GOLGA8N: variants seen among roughly 807,000 people sequenced by gnomAD.
GOLGA8N encodes golgin subfamily A member 8N.
Under a neutral mutation model 22.0 loss-of-function variants are expected in GOLGA8N, and 2 were observed. That is an observed-to-expected ratio of 0.09 (90% CI 0.04 to 0.29). The LOEUF (loss-of-function observed/expected upper bound fraction) is 0.29. GOLGA8N is among the 10% of genes least tolerant of loss of function. The pLI is 1.00. For synonymous variants in GOLGA8N, 2 were observed against 58.7 expected, an observed-to-expected ratio of 0.03 and a Z score of 4.41; for missense variants, 10 against 164.7, an observed-to-expected ratio of 0.06 and a Z score of 5.14.
chr15:32,606,848 T>TAAAG (rs1282338865), exon 19 of GOLGA8N: 91 of 150,906 alleles, frequency 6.0e-4, no homozygotes, highest in African/African-American at 2.2e-3. Context: ...AACTTTATCT[T>TAAAG]AGTCATTTTA....
At chr15:32,597,606 A>C (rs2052835252) in intron 5 of GOLGA8N, 117 bp downstream of exon 5, 3 of 1,596,490 alleles carry the variant, frequency 1.9e-6, no homozygotes, top group Non-Finnish European at 1.7e-6. Context: ...GACCCCTCAG[A>C]TTCCACCCCA....
exon 19 of GOLGA8N, chr15:32,605,299 T>C (rs3927834): frequency 6.2e-3 from 916 of 148,510 alleles, no homozygotes; most frequent in African/African-American, 0.022. Context: ...TTTTAGTAGA[T>C]GGTATTATAC....
rs879964674 is a variant in GOLGA8N, at chr15:32,598,639, C to T, written c.591+462C>T. 2.3e-4 allele frequency among the ~76,000 whole-genome samples: 13 copies of T among 55,896 alleles called. 4 individuals are homozygous for T. Among genetic ancestry groups the T allele is most frequent in the African/African-American group, 6.5e-4 (10 of 15,484 alleles). 36.7% of individuals were successfully genotyped at this position (55,896 alleles called of 152,430 possible). On this transcript the variant is annotated intron_variant, in intron 8 of 18. Transcript: ENST00000448387. ...ATTCAGGAGAGAGCAACAAGATGGC[C>T]GGGAGATACTTCCCTTCTGTACCTT... is the stretch of plus-strand genomic sequence containing the variant.
chr15:32,606,310 T>G (rs1378677408), exon 19 of GOLGA8N: 2 of 109,090 alleles, frequency 1.8e-5, no homozygotes, highest in Non-Finnish European at 3.9e-5. Flanking sequence ...AATCTGACAA[T>G]AATGTGTTCA....
intron 5 of GOLGA8N, 126 bp downstream of exon 5, chr15:32,597,615 C>A: frequency 3.8e-6 from 6 of 1,585,554 alleles, no homozygotes; most frequent in Non-Finnish European, 2.6e-6. Context: ...GATTCCACCC[C>A]ATCCCCACAG....
At chr15:32,598,069 A>G (rs1293357605) in exon 8 of GOLGA8N, 2 of 1,305,034 alleles carry the variant, frequency 1.5e-6, no homozygotes, top group Admixed American at 4.6e-5. Context: ...TCATTACAGA[A>G]GAGTCCAAGG....
At chr15:32,606,919 A>C (rs991816180) in exon 19 of GOLGA8N, 3 of 150,562 alleles carry the variant, frequency 2.0e-5, no homozygotes, top group African/African-American at 7.4e-5. Flanking sequence ...AATTTAAAAC[A>C]TTTTAAAATA....
At chr15:32,606,677 A>T (rs992080007) in exon 19 of GOLGA8N, 16 of 150,436 alleles carry the variant, frequency 1.1e-4, no homozygotes, top group African/African-American at 3.9e-4. Context: ...AAGAATCAAA[A>T]CACCTATTTA....
chr15:32,606,557 A>G (rs1461581899), exon 19 of GOLGA8N: 3 of 151,748 alleles, frequency 2.0e-5, no homozygotes, highest in Non-Finnish European at 4.4e-5. Flanking sequence ...CTCATTCAGT[A>G]TAAGGAAGCT....
chr15:32,598,135 T>G (rs1269433198), exon 8 of GOLGA8N: 1 of 1,273,544 alleles, frequency 7.9e-7, no homozygotes, highest in Non-Finnish European at 1.0e-6. Flanking sequence ...TAGAGAGCGC[T>G]CTGTCTGCTG....
chr15:32,597,442 TC>T lies in GOLGA8N; in HGVS notation c.310-5del. 1 of 1,572,034 alleles carries T rather than the reference TC, an allele frequency of 6.4e-7. No homozygotes were observed. Among genetic ancestry groups the T allele is most frequent in the African/African-American group, 1.4e-5 (1 of 73,364 alleles). On this transcript the variant is annotated splice_region_variant and splice_polypyrimidine_tract_variant and intron_variant, in intron 4 of 18. Transcript: ENST00000448387. The stretch of plus-strand genomic sequence containing the variant: ...CACCCTCCATCACCTTATTTGACTC[TC>T]CCCACAGAAACAACAGAAGAAACAA...
At chr15:32,605,328 A>G in exon 19 of GOLGA8N, 1 of 147,216 alleles carries the variant, frequency 6.8e-6, no homozygotes, top group East Asian at 2.0e-4. Flanking sequence ...AAAATCAAGG[A>G]GAAGTTTATG....
Position 32,598,475 on chromosome 15 carries a change from T to C in GOLGA8N, c.591+298T>C, listed in dbSNP as rs1221435630. Among the ~76,000 whole-genome samples the C allele has an allele frequency of 3.7e-5, 2 of 54,042 alleles. 1 individual carries two copies. Among genetic ancestry groups the C allele is most frequent in the African/African-American group, 1.4e-4 (2 of 14,652 alleles). 35.5% of individuals were successfully genotyped at this position (54,042 alleles called of 152,430 possible). ...TAGTCCTAGGTGGGGTATTGGGTAC[T>C]TGTACTGTGAAGGTACAGAAGAGTA... On this transcript the variant is annotated intron_variant, in intron 8 of 18. Transcript: ENST00000448387.
exon 19 of GOLGA8N, chr15:32,606,967 G>A (rs1176918213): frequency 1.3e-5 from 2 of 150,946 alleles, no homozygotes; most frequent in African/African-American, 2.4e-5. Context: ...TGGTGGGAAC[G>A]AAAAGCAGAG....
chr15:32,593,674 T>C (rs1199878323), intron 1 of GOLGA8N, 73 bp downstream of exon 1: 5 of 1,515,570 alleles, frequency 3.3e-6, no homozygotes, highest in South Asian at 1.2e-5. Context: ...CCTGCCAGAG[T>C]CTATACGACT....
chr15:32,605,466 AT>A (rs1303812171), exon 19 of GOLGA8N: 1 of 150,804 alleles, frequency 6.6e-6, no homozygotes, highest in African/African-American at 2.5e-5. Flanking sequence ...AAAGTGAAAT[AT>A]GTTTTTGTAC....
exon 19 of GOLGA8N, chr15:32,606,977 G>T (rs925123908): frequency 1.3e-5 from 2 of 151,218 alleles, no homozygotes; most frequent in African/African-American, 4.9e-5. Flanking sequence ...GAAAAGCAGA[G>T]AAAGAAATGC....
exon 19 of GOLGA8N, chr15:32,606,499 C>G (rs945152603): frequency 6.6e-6 from 1 of 151,348 alleles, no homozygotes; most frequent in African/African-American, 2.4e-5. Context: ...CTCCAAAGTG[C>G]ATGCAGTCTT....
chr15:32,605,247 C>A (rs1411639819), exon 19 of GOLGA8N: 1 of 148,074 alleles, frequency 6.8e-6, no homozygotes, highest in Non-Finnish European at 1.5e-5. Flanking sequence ...TAGAAACATT[C>A]TTATAAACTA....
Sources: gnomAD v4.1 joint callset for allele counts (sites outside exome capture counted in the v4.1 genomes callset) on GRCh38, gnomAD v4.1.1 for gene constraint, MANE v1.5 for transcripts, NCBI Gene and HGNC (gene_info 2026-07-23, HGNC 2026-07-21) for gene names.